KIF13A: variants seen among roughly 807,000 people sequenced by gnomAD.
KIF13A encodes the protein kinesin family member 13A.
Under a neutral mutation model 212.2 loss-of-function variants are expected in KIF13A, and 79 were observed. The ratio of observed to expected loss-of-function variants is 0.37; its 90% CI spans 0.31 to 0.45. The LOEUF is 0.45. Among genes scored for constraint, KIF13A ranks in the 20% least tolerant of loss-of-function variants. The pLI, the probability that KIF13A is intolerant of heterozygous loss-of-function variation, is 1.00. For missense variants in KIF13A, 1,901 were observed against 2,209.0 expected, an observed-to-expected ratio of 0.86 and a Z score of 2.79; for synonymous variants, 789 against 808.6, an observed-to-expected ratio of 0.98 and a Z score of 0.41.
At chr6:17,937,745 T>TG (rs1554118952) in intron 2 of KIF13A, among the ~76,000 whole-genome samples, 3 of 71,256 alleles carry the variant, frequency 4.2e-5, no homozygotes, top group African/African-American at 1.0e-4. Context: ...TTTCCTTTTT[T>TG]GTTTTTTTTT....
intron 3 of KIF13A, among the ~76,000 whole-genome samples, chr6:17,889,429 A>T (rs1771840239): frequency 6.6e-6 from 1 of 152,186 alleles, no homozygotes. Context: ...AAGCTCTAAC[A>T]CTCAAATAAA....
At chr6:17,931,455 G>A (rs986373847) in intron 2 of KIF13A, among the ~76,000 whole-genome samples, 1 of 133,268 alleles carries the variant, frequency 7.5e-6, no homozygotes, top group Non-Finnish European at 1.7e-5. Context: ...AGTAAAATAA[G>A]AAGTGATAAA....
At chr6:17,781,367 T>C (rs1311768101) in intron 29 of KIF13A, 66 bp from the exon 30 acceptor site, 3 of 1,461,126 alleles carry the variant, frequency 2.1e-6, no homozygotes, top group Middle Eastern at 1.8e-4. Context: ...ACACCAAAAA[T>C]TTAAATATAT....
At position 17,831,225 on chromosome 6, in the gene KIF13A, C is replaced by T. The variant is rs763841192; in HGVS notation, c.1277G>A (p.Arg426Gln). Residue 426 changes from arginine (R) to glutamine (Q), a missense_variant, in exon 13 of 39, where the codon CGA (arginine) becomes CAA (glutamine). Physicochemically the swap from Arg to Gln is conservative, Grantham distance 43. This residue lies in a region of KIF13A where 506 missense variants were observed against 637.4 expected (regional missense o/e 0.79). Transcript: ENST00000259711. ...GGAAATCCCCATGCTTTCAAGTTGT[C>T]GTTGTCTTTCCTGTGCACAAAAACA... The part of the protein sequence containing the change: ...KTEEIAQERQ[R>Q]QLESMGISLE... 18 of 1,612,292 alleles carry T rather than the reference C, an allele frequency of 1.1e-5. No homozygotes were observed. Among genetic ancestry groups the T allele is most frequent in the East Asian group, 4.5e-5 (2 of 44,870 alleles).
chr6:17,761,219 C>CAATGTTTTTATTT (rs1197711190), downstream of KIF13A, among the ~76,000 whole-genome samples: 1 of 152,014 alleles, frequency 6.6e-6, no homozygotes, highest in Non-Finnish European at 1.5e-5. Flanking sequence ...TTATTAAAAC[C>CAATGTTTTTATTT]AATGTAGCAG....
In KIF13A at chr6:17,971,716, C is replaced by A. The variant is rs752828288; in HGVS notation, c.146+15338G>T. ...TTGGGATTACAGGAGTGAGTCACCA[C>A]GTCCGGCTTGCTCTTGTTTTAGTGT... is the stretch of plus-strand genomic sequence containing the variant. On this transcript the variant is annotated intron_variant, in intron 2 of 38. Coordinates refer to ENST00000259711, the MANE Select transcript of KIF13A (RefSeq NM_022113.6). The surrounding 1 kb of genome is among the most constrained non-coding windows in gnomAD (Gnocchi z 4.2). Among the ~76,000 whole-genome samples the A allele has an allele frequency of 1.3e-5, 2 of 152,104 alleles. No homozygotes were observed. Among genetic ancestry groups the A allele is most frequent in the Non-Finnish European group, 2.9e-5 (2 of 68,022 alleles).
intron 35 of KIF13A, among the ~76,000 whole-genome samples, chr6:17,774,011 A>G (rs776400342): frequency 6.6e-6 from 1 of 152,190 alleles, no homozygotes; most frequent in Non-Finnish European, 1.5e-5. Flanking sequence ...AGACTGTCCA[A>G]GGCAAATTTG....
At chr6:17,910,588 G>C (rs938558591) in intron 2 of KIF13A, among the ~76,000 whole-genome samples, 2 of 152,122 alleles carry the variant, frequency 1.3e-5, no homozygotes, top group African/African-American at 4.8e-5. Flanking sequence ...TTAACTGTTA[G>C]TTTTTGTCAA....
chr6:17,929,821 C>A (rs1581763226), intron 2 of KIF13A, among the ~76,000 whole-genome samples: 1 of 152,222 alleles, frequency 6.6e-6, no homozygotes, highest in South Asian at 2.1e-4. Flanking sequence ...GGGTTATAGG[C>A]GTGAGCCACC....
intron 20 of KIF13A, among the ~76,000 whole-genome samples, chr6:17,802,930 T>TG (rs1554167880): frequency 1.5e-5 from 2 of 131,920 alleles, no homozygotes; most frequent in South Asian, 2.4e-4. Context: ...TGTGTTTTTT[T>TG]TGTTTTTTTT....
At chr6:17,867,224 A>T (rs928110502) in intron 4 of KIF13A, among the ~76,000 whole-genome samples, 1 of 152,200 alleles carries the variant, frequency 6.6e-6, no homozygotes, top group South Asian at 2.1e-4. Flanking sequence ...CTCTAAATAG[A>T]ATGCTTAGGA....
chr6:17,806,318 C>T (rs1419146485), intron 18 of KIF13A, among the ~76,000 whole-genome samples: 2 of 152,134 alleles, frequency 1.3e-5, no homozygotes, highest in Non-Finnish European at 2.9e-5. Flanking sequence ...TATTGTTTGA[C>T]ATCATGTCTG....
intron 12 of KIF13A, among the ~76,000 whole-genome samples, chr6:17,832,259 T>C (rs2328170): frequency 0.43 from 65,482 of 152,080 alleles, 15,067 homozygotes; most frequent in South Asian, 0.54. Context: ...GAATTAGTCC[T>C]TCCTTTATAT....
rs1269095507 is a variant in KIF13A at position 17,837,487 on chromosome 6, G to A, written c.927C>T (p.Leu309=). Residue 309 remains leucine, a synonymous_variant, in exon 10 of 39, where the codon CTC becomes CTT. Coordinates refer to ENST00000259711, the MANE Select transcript of KIF13A (RefSeq NM_022113.6). This position sits in a 1 kb window ranked among gnomAD's most constrained non-coding sequence, Gnocchi z 5.4. ...AATGGATTACCTTAAGCAGCCAAGT[G>A]AGGACTGAATCTCGATAAGGCACAA... ...SKFVPYRDSV[L]TWLLKDNLGG... The A allele has an allele frequency of 5.0e-6, 8 of 1,605,134 alleles. No homozygotes were observed. The Admixed American group carries it at 6.8e-5, about 14-fold the overall frequency.
At chr6:17,781,146 G>A (rs902733332) in intron 30 of KIF13A, 31 bp downstream of exon 30, 1 of 1,613,218 alleles carries the variant, frequency 6.2e-7, no homozygotes, top group Non-Finnish European at 8.5e-7. Flanking sequence ...CTAATCTGAA[G>A]CCTTTTAAGA....
chr6:17,962,286 A>G (rs2150589314), intron 2 of KIF13A, among the ~76,000 whole-genome samples: 1 of 152,260 alleles, frequency 6.6e-6, no homozygotes, highest in Non-Finnish European at 1.5e-5. Flanking sequence ...ACTCCAGTCT[A>G]GATGACAGAG....
intron 18 of KIF13A, 39 bp downstream of exon 18, chr6:17,808,729 A>G: frequency 1.3e-6 from 2 of 1,581,924 alleles, no homozygotes; most frequent in Non-Finnish European, 1.7e-6. Context: ...AATATTTACT[A>G]TTGTGCATCT....
chr6:17,928,965 TA>T (rs942223871), intron 2 of KIF13A, among the ~76,000 whole-genome samples: 1 of 140,158 alleles, frequency 7.1e-6, no homozygotes, highest in Non-Finnish European at 1.5e-5. Flanking sequence ...ATAAATAACC[TA>T]AAAGCTAAAC....
Position 17,808,916 on chromosome 6 carries a change from C to A in KIF13A, c.2015G>T (p.Arg672Leu). Residue 672 changes from arginine to leucine, a missense_variant, in exon 18 of 39, where the codon CGA (arginine) becomes CTA (leucine). Physicochemically the swap from Arg to Leu is moderately radical, Grantham distance 102. Around this residue, in one of 5 missense-constraint regions of KIF13A, gnomAD observed 534 missense variants for 536.9 expected, o/e 0.99. Coordinates refer to ENST00000259711, the MANE Select transcript of KIF13A (RefSeq NM_022113.6). Reference sequence around the variant, plus strand: ...CTCTCGCAGTTTTGCCAGGCTTTGTCGGAAGAGTTCATCCCTGCAGTGTCA... The same window carrying A: ...CTCTCGCAGTTTTGCCAGGCTTTGTAGGAAGAGTTCATCCCTGCAGTGTCA... ...QWAEERDELF[R>L]QSLAKLREQL... The A allele has an allele frequency of 6.2e-7, 1 of 1,611,866 alleles. No individual in the cohort carries two copies. Among genetic ancestry groups the A allele is most frequent in the Non-Finnish European group, 8.5e-7 (1 of 1,178,958 alleles).
Sources: allele counts gnomAD v4.1 joint callset (sites outside exome capture counted in the v4.1 genomes callset), GRCh38; gene constraint gnomAD v4.1.1; regional missense constraint gnomAD v4.1.1; non-coding constraint Gnocchi (gnomAD v3.1); transcripts MANE v1.5; gene names NCBI Gene and HGNC (gene_info 2026-07-23, HGNC 2026-07-21).